Variants in DNAAF4 observed in about 807,000 individuals in gnomAD.
DNAAF4 encodes the protein dynein axonemal assembly factor 4.
DNAAF4 carries 43 observed loss-of-function variants against 51.8 expected under a neutral mutation model. The ratio of observed to expected loss-of-function variants is 0.83; its 90% CI spans 0.65 to 1.07. DNAAF4 has a LOEUF of 1.07. Ranked by LOEUF, DNAAF4 falls within the 50% of genes least tolerant of loss-of-function variation. The pLI is 0.00. For synonymous variants in DNAAF4, 194 were observed against 165.6 expected (o/e 1.17, Z -1.32); for missense variants, 581 against 493.0 (o/e 1.18, Z -1.69).
At chr15:55,501,479 C>T (rs1315819075) in intron 1 of DNAAF4, among the ~76,000 whole-genome samples, 1 of 149,330 alleles carries the variant, frequency 6.7e-6, no homozygotes, top group African/African-American at 2.5e-5. Context: ...GGGTTCACGC[C>T]ATTCTCCTGC....
intron 3 of DNAAF4, among the ~76,000 whole-genome samples, chr15:55,491,809 T>TTATATAATA (rs2058579128): frequency 1.4e-5 from 2 of 143,320 alleles, no homozygotes; most frequent in African/African-American, 5.1e-5. Context: ...ATATAATATT[T>TTATATAATA]TATATAATAT....
chr15:55,463,233 C>A (rs1376760248), intron 5 of DNAAF4, among the ~76,000 whole-genome samples: 1 of 151,222 alleles, frequency 6.6e-6, no homozygotes, highest in Non-Finnish European at 1.5e-5. Flanking sequence ...CAAAATCCAG[C>A]ATCCCTTTAT....
chr15:55,473,603 T>C (rs1302269861), intron 4 of DNAAF4, among the ~76,000 whole-genome samples: 1 of 151,994 alleles, frequency 6.6e-6, no homozygotes, highest in African/African-American at 2.4e-5. Flanking sequence ...TGTCAGTGTA[T>C]GCCAAAATGT....
chr15:55,451,049 A>G (rs1395790217), intron 5 of DNAAF4, among the ~76,000 whole-genome samples: 1 of 152,174 alleles, frequency 6.6e-6, no homozygotes, highest in African/African-American at 2.4e-5. Flanking sequence ...GTTAGCCGAG[A>G]TCGTGCCATA....
At chr15:55,475,248 G>A (rs907255622) in intron 4 of DNAAF4, among the ~76,000 whole-genome samples, 1 of 152,170 alleles carries the variant, frequency 6.6e-6, no homozygotes, top group African/African-American at 2.4e-5. Flanking sequence ...GTGGCAACAT[G>A]AAGAGGTTGG....
Position 55,434,974 on chromosome 15 carries a change from C to CT in DNAAF4, c.977_978insA (p.Tyr327ValfsTer19). On this transcript the variant is annotated frameshift_variant, in exon 8 of 10. Transcript: ENST00000321149. LOFTEE classifies it high-confidence loss of function. ...GGTGGCAAGCAGCCCGGTTCAAATA[C>CT]AATAGTGGCATCTTATTATTTAGTC... The CT allele has an allele frequency of 6.2e-7, 1 of 1,613,178 alleles. No individual in the cohort carries two copies. The highest frequency in any genetic ancestry group is 1.3e-5 in the African/African-American group (1 of 74,998).
intron 6 of DNAAF4, among the ~76,000 whole-genome samples, chr15:55,447,114 G>A (rs117640100): frequency 0.048 from 7,056 of 147,204 alleles, 220 homozygotes; most frequent in East Asian, 0.14. Flanking sequence ...GGGCGGCTGC[G>A]CAGAGGCACT....
chr15:55,435,189 G>T, intron 7 of DNAAF4, 131 bp from the exon 8 acceptor site: 1 of 900,090 alleles, frequency 1.1e-6, no homozygotes, highest in Non-Finnish European at 1.6e-6. Flanking sequence ...AACGTTGCCT[G>T]CACTGAATCC....
rs559567201 is a variant in DNAAF4 at position 55,420,940 on chromosome 15, G to C, written c.1048-2807C>G. ...ACGGTGGCTTACACCTGTAATCCCAGCATTTTGGGAGGCCGAGACGGGCAG... is the reference window on the plus strand; with the variant it reads ...ACGGTGGCTTACACCTGTAATCCCACCATTTTGGGAGGCCGAGACGGGCAG... On this transcript the variant is annotated intron_variant, in intron 7 of 7. Coordinates refer to the DNAAF4 transcript ENST00000448430. Among the ~76,000 whole-genome samples, 167 of 152,134 alleles carry C rather than the reference G, an allele frequency of 1.1e-3. 1 individual carries two copies. The highest frequency in any genetic ancestry group is 3.8e-3 in the African/African-American group (158 of 41,500).
In DNAAF4 at chr15:55,423,515, G is replaced by T. The variant is rs555533126; in HGVS notation, c.1048-5382C>A. ...AACCCACCACCTCCCAAAGTGTTGG[G>T]ATTATGGGTGTGAGCCACCATGCTG... On this transcript the variant is annotated intron_variant, in intron 7 of 7. Coordinates refer to the DNAAF4 transcript ENST00000448430. Among the ~76,000 whole-genome samples the T allele has an allele frequency of 4.6e-5, 7 of 152,224 alleles. No individual in the cohort carries two copies. The East Asian group carries it at 1.3e-3, about 29-fold the overall frequency.
intron 7 of DNAAF4, among the ~76,000 whole-genome samples, chr15:55,424,707 C>T (rs2057415309): frequency 6.6e-6 from 1 of 152,126 alleles, no homozygotes; most frequent in Non-Finnish European, 1.5e-5. Context: ...GGATTACAGG[C>T]ATGCGCCACC....
intron 4 of DNAAF4, among the ~76,000 whole-genome samples, chr15:55,482,383 A>G (rs1267692379): frequency 6.6e-6 from 1 of 152,214 alleles, no homozygotes; most frequent in Non-Finnish European, 1.5e-5. Context: ...AGAATTAAAA[A>G]CAGACACTCA....
chr15:55,461,665 A>ATT (rs1199778964), intron 5 of DNAAF4, among the ~76,000 whole-genome samples: 1 of 152,174 alleles, frequency 6.6e-6, no homozygotes, highest in Non-Finnish European at 1.5e-5. Flanking sequence ...TCATAGCACT[A>ATT]AACGCCTACA....
At chr15:55,447,373 T>A (rs185588209) in intron 6 of DNAAF4, among the ~76,000 whole-genome samples, 98 of 150,982 alleles carry the variant, frequency 6.5e-4, no homozygotes, top group Admixed American at 3.1e-3. Flanking sequence ...CTAGATGGGG[T>A]GGCGGCCAGG....
intron 7 of DNAAF4, among the ~76,000 whole-genome samples, chr15:55,437,824 A>C (rs144189066): frequency 0.011 from 1,727 of 152,304 alleles, 17 homozygotes; most frequent in South Asian, 0.016. Flanking sequence ...CTTCAAAAGG[A>C]AGGCAGTTGA....
chr15:55,437,762 T>C (rs2057639084), intron 7 of DNAAF4, among the ~76,000 whole-genome samples: 1 of 152,060 alleles, frequency 6.6e-6, no homozygotes, highest in African/African-American at 2.4e-5. Context: ...ATTCAAGGAA[T>C]GCAAACAGCT....
intron 3 of DNAAF4, among the ~76,000 whole-genome samples, chr15:55,496,634 C>T (rs16976351): frequency 0.21 from 32,264 of 152,142 alleles, 7,001 homozygotes; most frequent in African/African-American, 0.56. Context: ...ACCCTTAAGA[C>T]ATGAGCCCAC....
At chr15:55,438,678 G>A (rs547300626) in intron 7 of DNAAF4, among the ~76,000 whole-genome samples, 99 of 151,736 alleles carry the variant, frequency 6.5e-4, no homozygotes, top group African/African-American at 2.3e-3. Flanking sequence ...CCAGCTACTT[G>A]AGAGGCTGAG....
chr15:55,491,742 A>T (rs952120136), intron 3 of DNAAF4, among the ~76,000 whole-genome samples: 1 of 134,558 alleles, frequency 7.4e-6, no homozygotes, highest in African/African-American at 3.1e-5. Flanking sequence ...ATAATATATA[A>T]TATTATATTA....
Sources: gnomAD v4.1 joint callset for allele counts (sites outside exome capture counted in the v4.1 genomes callset) on GRCh38, gnomAD v4.1.1 for gene constraint, MANE v1.5 for transcripts, NCBI Gene and HGNC (gene_info 2026-07-23, HGNC 2026-07-21) for gene names.